TMEM178A: variants seen among roughly 807,000 people sequenced by gnomAD.
TMEM178A encodes the protein transmembrane protein 178.
A neutral mutation model predicts 29.1 loss-of-function variants in TMEM178A; 12 were observed. The ratio of observed to expected loss-of-function variants is 0.41; its 90% CI spans 0.26 to 0.67. The LOEUF (loss-of-function observed/expected upper bound fraction) is 0.67, where lower values mean the gene tolerates loss of function less well. Among genes scored for constraint, TMEM178A ranks in the 30% least tolerant of loss-of-function variants. The pLI, the probability that TMEM178A is intolerant of heterozygous loss-of-function variation, is 0.29. For synonymous variants in TMEM178A, 210 were observed against 187.2 expected, an observed-to-expected ratio of 1.12 and a Z score of -0.99; for missense variants, 366 against 419.1, an observed-to-expected ratio of 0.87 and a Z score of 1.11.
intron 1 of TMEM178A, among the ~76,000 whole-genome samples, chr2:39,697,367 G>T (rs533167179): frequency 6.6e-6 from 1 of 152,210 alleles, no homozygotes; most frequent in African/African-American, 2.4e-5. Context: ...TGGAACAAGT[G>T]TTTAAGAACA....
chr2:39,712,162 G>C lies in TMEM178A; in HGVS notation c.653-4848G>C, dbSNP rs74206212. Among the ~76,000 whole-genome samples the C allele has an allele frequency of 9.0e-3, 1,369 of 151,870 alleles. 20 individuals are homozygous for C. The highest frequency in any genetic ancestry group is 0.04 in the South Asian group (190 of 4,788). On this transcript the variant is annotated intron_variant, in intron 3 of 3. Coordinates refer to ENST00000281961, the MANE Select transcript of TMEM178A (RefSeq NM_152390.3). Reference sequence around the variant, plus strand: ...TTTTGAGTAATCTGTGTGCAAACTAGCATGAGGCATTTGAAGGAAGACCAA... The same window carrying C: ...TTTTGAGTAATCTGTGTGCAAACTACCATGAGGCATTTGAAGGAAGACCAA...
chr2:39,735,515 C>T, the TMEM178A span, among the ~76,000 whole-genome samples: 1 of 152,168 alleles, frequency 6.6e-6, no homozygotes, highest in Non-Finnish European at 1.5e-5. Context: ...CATCACATGC[C>T]ATACACTTTC....
intron 1 of TMEM178A, among the ~76,000 whole-genome samples, chr2:39,676,617 C>G (rs753447854): frequency 6.6e-6 from 1 of 152,192 alleles, no homozygotes; most frequent in Non-Finnish European, 1.5e-5. Context: ...CAAGCTTCAG[C>G]CCTGGGGCTG....
At chr2:39,707,305 C>A (rs1178494840) in intron 3 of TMEM178A, 119 bp downstream of exon 3, 2 of 1,259,370 alleles carry the variant, frequency 1.6e-6, no homozygotes, top group African/African-American at 1.5e-5. Flanking sequence ...AGAAAAGCAA[C>A]CAGAAGGTCA....
At chr2:39,670,509 T>C (rs1221271780) in intron 1 of TMEM178A, among the ~76,000 whole-genome samples, 1 of 152,218 alleles carries the variant, frequency 6.6e-6, no homozygotes, top group East Asian at 1.9e-4. Flanking sequence ...TTGGGATGGC[T>C]GATAGCACTG....
intron 1 of TMEM178A, among the ~76,000 whole-genome samples, chr2:39,685,826 A>G (rs1488026211): frequency 6.6e-6 from 1 of 152,204 alleles, no homozygotes; most frequent in Non-Finnish European, 1.5e-5. Context: ...AAACTCCAGG[A>G]TAGGGAGGCT....
At chr2:39,696,973 C>G (rs72934282) in intron 1 of TMEM178A, among the ~76,000 whole-genome samples, 1 of 152,288 alleles carries the variant, frequency 6.6e-6, no homozygotes, top group African/African-American at 2.4e-5. Context: ...GCTATGAGCT[C>G]ATGCTTTTTG....
chr2:39,717,261 C>G lies in TMEM178A; in HGVS notation c.*10C>G, dbSNP rs781532013. 2 of 1,613,014 alleles carry G rather than the reference C, an allele frequency of 1.2e-6. No homozygotes were observed. Among genetic ancestry groups the G allele is most frequent in the East Asian group, 4.5e-5 (2 of 44,868 alleles). On this transcript the variant is annotated 3_prime_UTR_variant, in exon 4 of 4. Coordinates refer to ENST00000281961, the MANE Select transcript of TMEM178A (RefSeq NM_152390.3). ...AGACTCCACGGTATGACTGTCCTCA[C>G]TGGGCCTGTCCACAGTGCGAGCGAC...
intron 1 of TMEM178A, among the ~76,000 whole-genome samples, chr2:39,694,548 T>G (rs1029881863): frequency 6.6e-6 from 1 of 152,214 alleles, no homozygotes; most frequent in African/African-American, 2.4e-5. Flanking sequence ...TTTGCTTTGG[T>G]TGGAGTCTTA....
At chr2:39,693,974 T>TA (rs1289194815) in intron 1 of TMEM178A, among the ~76,000 whole-genome samples, 3 of 151,524 alleles carry the variant, frequency 2.0e-5, no homozygotes, top group Non-Finnish European at 2.9e-5. Context: ...ACCTTTTTTT[T>TA]TTTTTTTAAC....
chr2:39,696,587 A>T (rs1671551471), intron 1 of TMEM178A, among the ~76,000 whole-genome samples: 1 of 152,184 alleles, frequency 6.6e-6, no homozygotes, highest in African/African-American at 2.4e-5. Flanking sequence ...AAGTCACACA[A>T]CTAGGATTCA....
At chr2:39,688,223 G>A (rs1395744822) in intron 1 of TMEM178A, among the ~76,000 whole-genome samples, 2 of 152,196 alleles carry the variant, frequency 1.3e-5, no homozygotes, top group African/African-American at 2.4e-5. Context: ...TTTGAACAAA[G>A]CATAACATGC....
chr2:39,703,929 A>G, intron 1 of TMEM178A, 152 bp from the exon 2 acceptor site: 6 of 612,082 alleles, frequency 9.8e-6, no homozygotes, highest in Middle Eastern at 5.2e-4. Context: ...TTTAAACATT[A>G]TTTTATGTTT....
At chr2:39,719,333 C>G (rs1311526478), downstream of TMEM178A, among the ~76,000 whole-genome samples, 1 of 152,098 alleles carries the variant, frequency 6.6e-6, no homozygotes, top group Admixed American at 6.6e-5. Flanking sequence ...GAGAAGTTTC[C>G]TAGGGGTTTG....
downstream of TMEM178A, among the ~76,000 whole-genome samples, chr2:39,718,747 G>T (rs939121667): frequency 1.3e-5 from 2 of 151,930 alleles, no homozygotes; most frequent in South Asian, 2.1e-4. Context: ...TTCTTCCGTT[G>T]TGTTTGCTTA....
At chr2:39,665,784 G>C (rs1359304996), upstream of TMEM178A, 11 of 450,360 alleles carry the variant, frequency 2.4e-5, no homozygotes, top group Non-Finnish European at 3.2e-5. Flanking sequence ...GCGGGCGGGC[G>C]GTGGGAGGCG....
At chr2:39,684,692 G>A (rs1012604035) in intron 1 of TMEM178A, among the ~76,000 whole-genome samples, 6 of 152,122 alleles carry the variant, frequency 3.9e-5, no homozygotes, top group East Asian at 1.9e-4. Flanking sequence ...GTCTTGTTGC[G>A]TGGGGGAGGG....
At chr2:39,730,499 A>T in the TMEM178A span, among the ~76,000 whole-genome samples, 1 of 152,152 alleles carries the variant, frequency 6.6e-6, no homozygotes, top group Non-Finnish European at 1.5e-5. Context: ...GAGCTGACAG[A>T]CCAAATCCAG....
At chr2:39,665,492 G>C (rs2148045444), upstream of TMEM178A, 1 of 158,668 alleles carries the variant, frequency 6.3e-6, no homozygotes, top group East Asian at 1.9e-4. Context: ...AGGAGCAAAT[G>C]AGTGGGGGAA....
Sources: gnomAD v4.1 joint callset for allele counts (sites outside exome capture counted in the v4.1 genomes callset) on GRCh38, gnomAD v4.1.1 for gene constraint, MANE v1.5 for transcripts, NCBI Gene and HGNC (gene_info 2026-07-23, HGNC 2026-07-21) for gene names.